The following OR1L8 variants were observed in gnomAD, a reference collection of about 807,000 sequenced individuals.
OR1L8 encodes olfactory receptor family 1 subfamily L member 8.
For missense variants in OR1L8, 330 were observed against 377.4 expected (o/e 0.87, Z 1.04); for synonymous variants, 148 against 147.0 (o/e 1.01, Z -0.05).
At chr9:122,577,400 A>G (rs527340609) in intron 2 of OR1L8, among the ~76,000 whole-genome samples, 26 of 152,340 alleles carry the variant, frequency 1.7e-4, no homozygotes, top group African/African-American at 5.1e-4. Flanking sequence ...TGACCTCCAC[A>G]TACAAAAATC....
rs1829477244 is a variant in OR1L8 at position 122,568,357 on chromosome 9, T to C, written c.121A>G (p.Thr41Ala). Residue 41 changes from threonine (T) to alanine (A), a missense_variant, in exon 5 of 5, where the codon ACA (threonine) becomes GCA (alanine). Thr to Ala is a moderately conservative substitution (Grantham distance 58). Transcript: ENST00000641027. ...LFLIVYLVTI[T>A]GNLLIILAIR... ...GCCAGGATGATGAGCAGGTTCCCTG[T>C]TATGGTGACCAGGTACACGATGAGG... 1.2e-6 allele frequency: 2 copies of C among 1,613,898 alleles called. No homozygotes were observed. Among genetic ancestry groups the C allele is most frequent in the African/African-American group, 1.3e-5 (1 of 74,890 alleles).
At chr9:122,562,989 A>C (rs1482592704), downstream of OR1L8, among the ~76,000 whole-genome samples, 1 of 152,212 alleles carries the variant, frequency 6.6e-6, no homozygotes, top group Admixed American at 6.5e-5. Flanking sequence ...TTGAGGGTGC[A>C]GATGACTCTT....
chr9:122,572,227 G>A lies in OR1L8; in HGVS notation c.-213+553C>T, dbSNP rs183178836. 1.5e-3 allele frequency among the ~76,000 whole-genome samples: 235 copies of A among 152,254 alleles called. 1 individual carries two copies. Among genetic ancestry groups the A allele is most frequent in the African/African-American group, 5.4e-3 (226 of 41,532 alleles). On this transcript the variant is annotated intron_variant, in intron 4 of 4. Transcript: ENST00000641027. ...CCCACTAGGGCCCACCTTCAACACT[G>A]GAGATTAAAATGCCACATGACATTT...
chr9:122,567,191 A>T lies in OR1L8; in HGVS notation c.*357T>A. 5.9e-6 allele frequency: 1 copy of T among 170,402 alleles called. No homozygotes were observed. Among genetic ancestry groups the T allele is most frequent in the Non-Finnish European group, 1.2e-5 (1 of 80,638 alleles). 10.6% of individuals were successfully genotyped at this position (170,402 alleles called of 1,614,324 possible). On this transcript the variant is annotated 3_prime_UTR_variant, in exon 5 of 5. Coordinates refer to ENST00000641027, the MANE Select transcript of OR1L8 (RefSeq NM_001004454.2). ...AATGGCTACAAATTACACATTTTTC[A>T]GCAATATATTGAAATGTGAAGAATT...
At chr9:122,546,971 T>C in the OR1L8 span, among the ~76,000 whole-genome samples, 41 of 152,152 alleles carry the variant, frequency 2.7e-4, no homozygotes, top group Non-Finnish European at 5.0e-4. Flanking sequence ...GTATCCTCCT[T>C]CTAGCTACTT....
At chr9:122,559,169 A>G in the OR1L8 span, among the ~76,000 whole-genome samples, 6 of 152,164 alleles carry the variant, frequency 3.9e-5, no homozygotes, top group African/African-American at 1.4e-4. Flanking sequence ...TAAGTATAAC[A>G]TAGATCTGTT....
chr9:122,564,150 G>A (rs1187917181), downstream of OR1L8, among the ~76,000 whole-genome samples: 5 of 152,228 alleles, frequency 3.3e-5, no homozygotes, highest in East Asian at 5.8e-4. Flanking sequence ...CAGGAGACAC[G>A]AAACATCACT....
intron 4 of OR1L8, among the ~76,000 whole-genome samples, chr9:122,571,939 G>A (rs1338270293): frequency 3.3e-5 from 5 of 152,116 alleles, no homozygotes; most frequent in African/African-American, 9.7e-5. Flanking sequence ...TTAAAGTAAA[G>A]AGGTTCAATT....
At chr9:122,557,417 A>T in the OR1L8 span, among the ~76,000 whole-genome samples, 1 of 152,052 alleles carries the variant, frequency 6.6e-6, no homozygotes, top group African/African-American at 2.4e-5. Flanking sequence ...TTAATCATAA[A>T]TGAGTGTTGG....
chr9:122,562,095 T>C, the OR1L8 span, among the ~76,000 whole-genome samples: 142,135 of 152,270 alleles, frequency 0.93, 66,419 homozygotes, highest in East Asian at 0.98. Context: ...GTCAGGGTCT[T>C]GCCTGAAGAG....
downstream of OR1L8, among the ~76,000 whole-genome samples, chr9:122,565,603 T>A (rs1829415491): frequency 6.6e-6 from 1 of 152,212 alleles, no homozygotes; most frequent in Admixed American, 6.5e-5. Flanking sequence ...GATTAGCCAA[T>A]TACTTGGTGG....
chr9:122,547,904 A>G, the OR1L8 span, among the ~76,000 whole-genome samples: 1 of 152,148 alleles, frequency 6.6e-6, no homozygotes, highest in African/African-American at 2.4e-5. Context: ...TTACATTCCT[A>G]CCAACATTGC....
At chr9:122,583,141 A>G (rs938538965) in intron 1 of OR1L8, among the ~76,000 whole-genome samples, 180 bp downstream of exon 1, 2 of 152,174 alleles carry the variant, frequency 1.3e-5, no homozygotes, top group African/African-American at 4.8e-5. Context: ...GAAAACTTCC[A>G]TGTGGGACAA....
chr9:122,552,405 G>A, the OR1L8 span, among the ~76,000 whole-genome samples: 4 of 152,178 alleles, frequency 2.6e-5, no homozygotes, highest in Non-Finnish European at 5.9e-5. Flanking sequence ...ATGTAGGGGT[G>A]AAGGCACAGG....
At chr9:122,556,302 A>C in the OR1L8 span, among the ~76,000 whole-genome samples, 1 of 144,898 alleles carries the variant, frequency 6.9e-6, no homozygotes, top group Non-Finnish European at 1.5e-5. Context: ...TTTCATGTGG[A>C]TGTCTAGTTG....
Position 122,576,917 on chromosome 9 carries a change from A to T in OR1L8, c.-477-16T>A, listed in dbSNP as rs1829667657. 6.6e-6 allele frequency: 1 copy of T among 151,996 alleles called. No homozygotes were observed. The highest frequency in any genetic ancestry group is 1.5e-5 in the Non-Finnish European group (1 of 68,000). The allele number at this position is 151,996 out of a possible 1,614,324, so 9.4% of individuals were successfully genotyped here. A position where few individuals can be genotyped will look rare whatever the true frequency, so the allele number is the denominator to read the frequency against. On this transcript the variant is annotated splice_polypyrimidine_tract_variant and intron_variant, in intron 2 of 4. Coordinates refer to ENST00000641027, the MANE Select transcript of OR1L8 (RefSeq NM_001004454.2). Reference sequence around the variant, plus strand: ...TCTGATGGATCTAAAAAGAATGTTGATTTTTCAGTTTGTTAGGCCTTTTAC... The same window carrying T: ...TCTGATGGATCTAAAAAGAATGTTGTTTTTTCAGTTTGTTAGGCCTTTTAC...
the OR1L8 span, among the ~76,000 whole-genome samples, chr9:122,552,721 C>A: frequency 6.7e-6 from 1 of 149,464 alleles, no homozygotes; most frequent in Non-Finnish European, 1.5e-5. Flanking sequence ...TCTTAAAAGT[C>A]AATTTCAGCC....
the OR1L8 span, among the ~76,000 whole-genome samples, chr9:122,557,721 T>C: frequency 1.3e-5 from 2 of 152,072 alleles, no homozygotes; most frequent in East Asian, 1.9e-4. Context: ...GCTGGCCTCA[T>C]AGAATGAGCT....
At chr9:122,580,405 C>G (rs1456752857) in intron 1 of OR1L8, among the ~76,000 whole-genome samples, 1 of 152,156 alleles carries the variant, frequency 6.6e-6, no homozygotes, top group South Asian at 2.1e-4. Flanking sequence ...TGATCATTTA[C>G]AAATAAAACC....
Sources: allele counts gnomAD v4.1 joint callset (sites outside exome capture counted in the v4.1 genomes callset), GRCh38; gene constraint gnomAD v4.1.1; transcripts MANE v1.5; gene names NCBI Gene and HGNC (gene_info 2026-07-23, HGNC 2026-07-21).